PCDHA6: variants seen among roughly 807,000 people sequenced by gnomAD.
PCDHA6 encodes the protein protocadherin alpha 6.
A neutral mutation model predicts 60.3 loss-of-function variants in PCDHA6; 55 were observed. The ratio of observed to expected loss-of-function variants is 0.91; its 90% confidence interval spans 0.73 to 1.14. The LOEUF (loss-of-function observed/expected upper bound fraction) is 1.14. Ranked by LOEUF, PCDHA6 falls within the 50% of genes most tolerant of loss-of-function variation. The probability of loss-of-function intolerance (pLI) is 0.00; values close to 1 mark genes in which losing one functional copy is unlikely to be tolerated. For missense variants in PCDHA6, 1,327 were observed against 1,256.5 expected, an observed-to-expected ratio of 1.06 and a Z score of -0.85; for synonymous variants, 652 against 557.9, an observed-to-expected ratio of 1.17 and a Z score of -2.38.
chr5:140,870,472 C>G (rs782403878), intron 1 of PCDHA6: 4 of 1,614,240 alleles, frequency 2.5e-6, no homozygotes, highest in South Asian at 1.1e-5. Flanking sequence ...GTTCGCACAG[C>G]CCGAGTACAC....
At chr5:140,986,371 G>C (rs1453761888) in intron 3 of PCDHA6, among the ~76,000 whole-genome samples, 1 of 152,116 alleles carries the variant, frequency 6.6e-6, no homozygotes, top group Non-Finnish European at 1.5e-5. Flanking sequence ...AATGCGTTTT[G>C]GGGGGAGGGA....
Position 140,829,536 on chromosome 5 carries a change from C to A in PCDHA6, c.1445C>A (p.Ala482Glu). 6.2e-7 allele frequency: 1 copy of A among 1,613,152 alleles called. No individual in the cohort carries two copies. Among genetic ancestry groups the A allele is most frequent in the Middle Eastern group, 1.9e-4 (1 of 5,392 alleles). The change falls in exon 1 of 4, where the codon GCG becomes GAG. Residue 482 changes from alanine to glutamate, a missense_variant. Ala to Glu is a moderately radical substitution (Grantham distance 107). Coordinates refer to ENST00000529310, the MANE Select transcript of PCDHA6 (RefSeq NM_018909.4). ...ATCTTCACGGTGTCTGCGCGAGACG[C>A]GGACGCGCAGGAGAACGCGCTGGTG... ...CHIFTVSARD[A>E]DAQENALVSY...
rs1554156315 is a variant in PCDHA6 at position 140,862,411 on chromosome 5, A to C, written c.2394+31926A>C. ...CTTCAAGCTGGTGTCTACCTTCAAA[A>C]GGCGCTGCCCAGAAACTATTCGTTG... On this transcript the variant is annotated intron_variant, in intron 1 of 3. Transcript: ENST00000529310. 3 of 349,868 alleles carry C rather than the reference A, an allele frequency of 8.6e-6. No individual in the cohort carries two copies. The Admixed American group carries it at 1.1e-4, about 13-fold the overall frequency. The allele number at this position is 349,868 out of a possible 1,614,324, so 21.7% of individuals were successfully genotyped here.
rs557764399 is a variant in PCDHA6, at chr5:140,865,245, G to A, written c.2394+34760G>A. On this transcript the variant is annotated intron_variant, in intron 1 of 3. Coordinates refer to ENST00000529310, the MANE Select transcript of PCDHA6 (RefSeq NM_018909.4). ...GGATCCCAGAGAACACGTATTTATA[G>A]CTGTAAGGATGTGTATCAAATTATA... The A allele has an allele frequency of 1.1e-3, 171 of 152,250 alleles. 2 individuals are homozygous for A. The highest frequency in any genetic ancestry group is 3.6e-3 in the African/African-American group (148 of 41,542). 9.4% of individuals were successfully genotyped at this position (152,250 alleles called of 1,614,324 possible).
At chr5:140,860,671 T>A (rs1339790199) in intron 1 of PCDHA6, 1 of 152,218 alleles carries the variant, frequency 6.6e-6, no homozygotes, top group Non-Finnish European at 1.5e-5. Context: ...TGAAATCAAA[T>A]GCACTTATGT....
In PCDHA6 at chr5:140,984,898, A is replaced by G. The variant is rs551340383; in HGVS notation, c.2542+2335A>G. ...GTTACCATGAGAACTAAAGGAGAAA[A>G]AAAGAACTGAGCATAGTGCTTGACA... On this transcript the variant is annotated intron_variant, in intron 3 of 3. Transcript: ENST00000529310. Among the ~76,000 whole-genome samples, 21 of 152,282 alleles carry G rather than the reference A, an allele frequency of 1.4e-4. No individual in the cohort carries two copies. The South Asian group carries it at 4.4e-3, about 32-fold the overall frequency.
In PCDHA6 at chr5:140,828,851, A is replaced by T; in HGVS notation, c.760A>T (p.Asn254Tyr). Residue 254 changes from asparagine (N) to tyrosine (Y), a missense_variant, in exon 1 of 4, where the codon AAT (asparagine) becomes TAT (tyrosine). Transcript: ENST00000529310. ...QSEYEVRIFE[N>Y]ADNGTTVIRL... is the part of the protein sequence containing the mutation. ...TGAATACGAAGTAAGAATATTCGAA[A>T]ATGCAGACAACGGAACAACAGTTAT... 6.2e-7 allele frequency: 1 copy of T among 1,614,240 alleles called. No individual in the cohort carries two copies. The highest frequency in any genetic ancestry group is 1.1e-5 in the South Asian group (1 of 91,084).
chr5:140,842,069 A>C (rs2150328859), intron 1 of PCDHA6: 5 of 1,613,784 alleles, frequency 3.1e-6, no homozygotes, highest in Non-Finnish European at 4.2e-6. Flanking sequence ...ATACGAAGTA[A>C]GAATATTCGA....
chr5:140,857,677 T>C lies in PCDHA6; in HGVS notation c.2394+27192T>C, dbSNP rs377237803. 36 of 1,596,766 alleles carry C rather than the reference T, an allele frequency of 2.3e-5. 2 individuals carry two copies. In the African/African-American group the frequency reaches 4.6e-4, roughly 20 times the overall value. On this transcript the variant is annotated intron_variant, in intron 1 of 3. Transcript: ENST00000529310. ...GCGCGCGCGATGGGGGCGTGCCGCC[T>C]CTGGGCAGCAACTTGACGCTGCAGG...
chr5:140,982,507 G>T lies in PCDHA6; in HGVS notation c.2486G>T (p.Arg829Leu). Reference sequence around the variant, plus strand: ...CACCTAGAGGAGGCTGGCATTCTACGGGCTGGTCCAGGAGGGCCTGATCAG... The same window carrying T: ...CACCTAGAGGAGGCTGGCATTCTACTGGCTGGTCCAGGAGGGCCTGATCAG... The part of the protein sequence containing the change: ...SVHLEEAGIL[R>L]AGPGGPDQQW... The change falls in exon 3 of 4, where the codon CGG becomes CTG. Residue 829 changes from arginine to leucine, a missense_variant. Physicochemically the swap from Arg to Leu is moderately radical, Grantham distance 102. Coordinates refer to ENST00000529310, the MANE Select transcript of PCDHA6 (RefSeq NM_018909.4). 6.2e-7 allele frequency: 1 copy of T among 1,614,138 alleles called. No homozygotes were observed. Among genetic ancestry groups the T allele is most frequent in the Non-Finnish European group, 8.5e-7 (1 of 1,180,018 alleles).
intron 1 of PCDHA6, among the ~76,000 whole-genome samples, chr5:140,844,305 T>C (rs1779315965): frequency 1.3e-5 from 2 of 149,704 alleles, no homozygotes; most frequent in Non-Finnish European, 3.0e-5. Context: ...ATAGTTTTCA[T>C]ATTCTTCCTA....
At chr5:140,950,195 C>A (rs186601471) in intron 1 of PCDHA6, among the ~76,000 whole-genome samples, 1 of 152,028 alleles carries the variant, frequency 6.6e-6, no homozygotes, top group Non-Finnish European at 1.5e-5. Context: ...AAAAAATAGT[C>A]ATTTCTGTTT....
chr5:140,946,092 G>A (rs985293430), intron 1 of PCDHA6, among the ~76,000 whole-genome samples: 2 of 151,914 alleles, frequency 1.3e-5, no homozygotes, highest in Non-Finnish European at 2.9e-5. Flanking sequence ...CTGATAAGGA[G>A]TTAACATACC....
intron 1 of PCDHA6, chr5:140,836,191 A>T (rs2150255019): frequency 1.2e-6 from 2 of 1,613,828 alleles, no homozygotes; most frequent in Non-Finnish European, 1.7e-6. Context: ...GACTCAGGCT[A>T]CAACGCGTGG....
chr5:141,000,948 G>C (rs1032144041), intron 3 of PCDHA6, among the ~76,000 whole-genome samples: 3 of 151,774 alleles, frequency 2.0e-5, no homozygotes, highest in Non-Finnish European at 1.5e-5. Flanking sequence ...AAATTATCTT[G>C]CTGTAATTTA....
In PCDHA6 at chr5:140,882,915, A is replaced by G. The variant is rs374032403; in HGVS notation, c.2394+52430A>G. The G allele has an allele frequency of 9.7e-5, 156 of 1,614,110 alleles. No individual in the cohort carries two copies. Among genetic ancestry groups the G allele is most frequent in the Non-Finnish European group, 1.2e-4 (140 of 1,180,046 alleles). ...CATAGTTTATTACTGACAGCCAGTG[A>G]TGGAGGTAAACCCGAGCTGACTGGC... is the stretch of plus-strand genomic sequence containing the variant. On this transcript the variant is annotated intron_variant, in intron 1 of 3. Transcript: ENST00000529310.
intron 1 of PCDHA6, chr5:140,835,796 C>T (rs1264312076): frequency 5.6e-6 from 9 of 1,613,014 alleles, no homozygotes; most frequent in Non-Finnish European, 7.6e-6. Context: ...ACCCGCCGGG[C>T]TGCCACATCT....
intron 1 of PCDHA6, among the ~76,000 whole-genome samples, chr5:140,895,090 T>A (rs2064836305): frequency 6.6e-6 from 1 of 152,190 alleles, no homozygotes; most frequent in Non-Finnish European, 1.5e-5. Flanking sequence ...CTCCTCAGTA[T>A]AGGGGTTTTT....
chr5:140,907,598 A>G (rs2073483512), intron 1 of PCDHA6, among the ~76,000 whole-genome samples: 1 of 152,198 alleles, frequency 6.6e-6, no homozygotes, highest in Admixed American at 6.5e-5. Context: ...CACCCTGAGG[A>G]ATGGTGCCAT....
Sources: allele counts gnomAD v4.1 joint callset (sites outside exome capture counted in the v4.1 genomes callset), GRCh38; gene constraint gnomAD v4.1.1; transcripts MANE v1.5; gene names NCBI Gene and HGNC (gene_info 2026-07-23, HGNC 2026-07-21).